GRID2IP: variants seen among roughly 807,000 people sequenced by gnomAD.
GRID2IP encodes delphilin.
In GRID2IP, 78 loss-of-function variants were observed where a neutral mutation model predicts 114.3. The ratio of observed to expected loss-of-function variants is 0.68; its 90% confidence interval spans 0.57 to 0.82. The LOEUF (loss-of-function observed/expected upper bound fraction) is 0.82. GRID2IP is among the 40% of genes least tolerant of loss of function. The pLI, the probability that GRID2IP is intolerant of heterozygous loss-of-function variation, is 0.00. For synonymous variants in GRID2IP, 809 were observed against 724.0 expected (o/e 1.12, Z -1.89); for missense variants, 1,727 against 1,678.5 (o/e 1.03, Z -0.51).
At chr7:6,498,572 CTTTTTTTTTTTTTTT>C (rs34146767) in intron 20 of GRID2IP, among the ~76,000 whole-genome samples, 2 of 68,128 alleles carry the variant, frequency 2.9e-5, no homozygotes, top group African/African-American at 1.5e-4. Flanking sequence ...CTAGGCCTTA[CTTTTTTTTTTTTTTT>C]TTTTTTTTTT....
chr7:6,503,648 A>G lies in GRID2IP; in HGVS notation c.2750T>C (p.Leu917Pro). 6.6e-7 allele frequency: 1 copy of G among 1,518,338 alleles called. No individual in the cohort carries two copies. The highest frequency in any genetic ancestry group is 8.8e-7 in the Non-Finnish European group (1 of 1,139,770). 94.1% of individuals were successfully genotyped at this position (1,518,338 alleles called of 1,614,324 possible). A position where few individuals can be genotyped will look rare whatever the true frequency, so the allele number is the denominator to read the frequency against. Residue 917 changes from leucine to proline, a missense_variant, in exon 16 of 22, where the codon CTG (leucine) becomes CCG (proline). Physicochemically the swap from Leu to Pro is moderately conservative, Grantham distance 98. Coordinates refer to ENST00000457091, the MANE Select transcript of GRID2IP (RefSeq NM_001145118.2). ...CTCCATGCTCATCAGCACCTGGCGC[A>G]GCTCCGCGGGGCTCAGCTTCAGGTG... ...LAHLKLSPAE[L>P]RQVLMSMEPR... is the part of the protein sequence containing the mutation.
chr7:6,503,923 A>C (rs543700203), intron 15 of GRID2IP, among the ~76,000 whole-genome samples: 45 of 149,854 alleles, frequency 3.0e-4, no homozygotes, highest in African/African-American at 1.0e-3. Context: ...GGCTAAGGGG[A>C]AGAAAAAAGG....
rs11975814 is a variant in GRID2IP at position 6,500,593 on chromosome 7, C to G, written c.3399+1188G>C. 6.7e-3 allele frequency among the ~76,000 whole-genome samples: 1,028 copies of G among 152,336 alleles called. 9 individuals carry two copies. Among genetic ancestry groups the G allele is most frequent in the African/African-American group, 0.024 (980 of 41,572 alleles). On this transcript the variant is annotated intron_variant, in intron 20 of 21. Transcript: ENST00000457091. ...CTGAGAGGAAAGGGCAGGGGTAGATCTGACATCAAATTCCTACTCAGACAC... is the reference window on the plus strand; with the variant it reads ...CTGAGAGGAAAGGGCAGGGGTAGATGTGACATCAAATTCCTACTCAGACAC...
rs1382501180 is a variant in GRID2IP, at chr7:6,516,282, G to A, written c.1269-1753C>T. Among the ~76,000 whole-genome samples, 1 of 151,634 alleles carries A rather than the reference G, an allele frequency of 6.6e-6. No homozygotes were observed. Among genetic ancestry groups the A allele is most frequent in the African/African-American group, 2.4e-5 (1 of 41,282 alleles). On this transcript the variant is annotated intron_variant, in intron 7 of 21. Coordinates refer to ENST00000457091, the MANE Select transcript of GRID2IP (RefSeq NM_001145118.2). The surrounding 1 kb of genome is among the most constrained non-coding windows in gnomAD (Gnocchi z 4.3). ...TCCAATATAATAAAGAAAATACATAGAATAAGAATAGTTATACTAGAAATA... is the reference window on the plus strand; with the variant it reads ...TCCAATATAATAAAGAAAATACATAAAATAAGAATAGTTATACTAGAAATA...
intron 1 of GRID2IP, among the ~76,000 whole-genome samples, chr7:6,543,566 C>T (rs1008802814): frequency 4.6e-5 from 7 of 151,964 alleles, no homozygotes; most frequent in Non-Finnish European, 8.8e-5. Flanking sequence ...AAGTGGGTTG[C>T]GTCACTCTCA....
At chr7:6,501,266 G>T (rs1786406680) in intron 20 of GRID2IP, among the ~76,000 whole-genome samples, 1 of 152,144 alleles carries the variant, frequency 6.6e-6, no homozygotes, top group South Asian at 2.1e-4. Flanking sequence ...CAGGAGAATA[G>T]CTTGAACCTG....
intron 1 of GRID2IP, among the ~76,000 whole-genome samples, chr7:6,548,109 T>C (rs1779914198): frequency 6.6e-6 from 1 of 152,164 alleles, no homozygotes; most frequent in Admixed American, 6.5e-5. Context: ...TCCAGCACTT[T>C]TGGAAGGCCG....
At chr7:6,545,392 C>G (rs1324844363) in intron 1 of GRID2IP, among the ~76,000 whole-genome samples, 1 of 152,214 alleles carries the variant, frequency 6.6e-6, no homozygotes, top group Non-Finnish European at 1.5e-5. Flanking sequence ...CTGCCCTTTG[C>G]CACTGCAGTT....
chr7:6,508,650 A>T lies in GRID2IP; in HGVS notation c.2128-249T>A, dbSNP rs1786667341. Among the ~76,000 whole-genome samples the T allele has an allele frequency of 6.6e-6, 1 of 152,090 alleles. No homozygotes were observed. The highest frequency in any genetic ancestry group is 1.5e-5 in the Non-Finnish European group (1 of 67,994). On this transcript the variant is annotated intron_variant, in intron 12 of 21. Transcript: ENST00000457091. The surrounding 1 kb of genome is among the most constrained non-coding windows in gnomAD (Gnocchi z 5.6). ...GTAAGCCTCAGGCTGTGAGGGGGAT[A>T]GCCTGGAATAAGGACAGGACCCTGT...
At chr7:6,538,403 A>T (rs868294180) in intron 2 of GRID2IP, among the ~76,000 whole-genome samples, 1 of 102,696 alleles carries the variant, frequency 9.7e-6, no homozygotes, top group African/African-American at 3.3e-5. Flanking sequence ...AACAAAACAA[A>T]ACAAGAAAAG....
At chr7:6,549,441 G>A (rs1181113058) in intron 1 of GRID2IP, among the ~76,000 whole-genome samples, 3 of 152,258 alleles carry the variant, frequency 2.0e-5, no homozygotes, top group African/African-American at 7.2e-5. Context: ...TATTCCACCT[G>A]CAGTCTATCA....
chr7:6,530,554 G>C (rs1253405251), intron 2 of GRID2IP, among the ~76,000 whole-genome samples: 1 of 148,620 alleles, frequency 6.7e-6, no homozygotes, highest in Non-Finnish European at 1.5e-5. Flanking sequence ...GATTACAGGC[G>C]TGAGCCACCG....
At chr7:6,539,533 C>T (rs1779780466) in intron 2 of GRID2IP, among the ~76,000 whole-genome samples, 185 bp downstream of exon 2, 1 of 152,152 alleles carries the variant, frequency 6.6e-6, no homozygotes, top group South Asian at 2.1e-4. Context: ...CAACAGCTGC[C>T]TTCTCAGGGT....
rs148216071 is a variant in GRID2IP at position 6,516,925 on chromosome 7, C to A, written c.1269-2396G>T. Among the ~76,000 whole-genome samples the A allele has an allele frequency of 4.7e-3, 717 of 152,238 alleles. 4 individuals carry two copies. The highest frequency in any genetic ancestry group is 0.015 in the African/African-American group (619 of 41,554). Reference sequence around the variant, plus strand: ...GAGATGACTCTCACTCCATACCCTGCCCCTTTGCCTTGTACACAATAAATA... The same window carrying A: ...GAGATGACTCTCACTCCATACCCTGACCCTTTGCCTTGTACACAATAAATA... On this transcript the variant is annotated intron_variant, in intron 7 of 21. Coordinates refer to ENST00000457091, the MANE Select transcript of GRID2IP (RefSeq NM_001145118.2). The surrounding 1 kb of genome is among the most constrained non-coding windows in gnomAD (Gnocchi z 4.3).
intron 1 of GRID2IP, among the ~76,000 whole-genome samples, chr7:6,540,884 T>C (rs1354366384): frequency 2.0e-5 from 3 of 151,852 alleles, no homozygotes; most frequent in Non-Finnish European, 4.4e-5. Flanking sequence ...TTGTCTAGGC[T>C]GGAGTGCAGT....
chr7:6,533,143 C>T (rs898750334), intron 2 of GRID2IP, among the ~76,000 whole-genome samples: 6 of 152,146 alleles, frequency 3.9e-5, no homozygotes, highest in Admixed American at 2.0e-4. Flanking sequence ...CTACTGGCAT[C>T]TAGGGGGTAG....
Position 6,519,373 on chromosome 7 carries a change from A to T in GRID2IP, c.1268+1205T>A, listed in dbSNP as rs993385543. Among the ~76,000 whole-genome samples, 1 of 152,180 alleles carries T rather than the reference A, an allele frequency of 6.6e-6. No homozygotes were observed. Among genetic ancestry groups the T allele is most frequent in the Non-Finnish European group, 1.5e-5 (1 of 68,034 alleles). On this transcript the variant is annotated intron_variant, in intron 7 of 21. Coordinates refer to ENST00000457091, the MANE Select transcript of GRID2IP (RefSeq NM_001145118.2). The surrounding 1 kb of genome is among the most constrained non-coding windows in gnomAD (Gnocchi z 4.1). ...GCCAAGTACAGTGGCTCATGCCTGT[A>T]ACCGCAGCACTTTGGGACGATCACT... is the stretch of plus-strand genomic sequence containing the variant.
rs181580376 is a variant in GRID2IP at position 6,497,056 on chromosome 7, C to T, written c.*718G>A. Among the ~76,000 whole-genome samples, 28 of 152,322 alleles carry T rather than the reference C, an allele frequency of 1.8e-4. 1 individual carries two copies. Among genetic ancestry groups the T allele is most frequent in the Admixed American group, 1.7e-3 (26 of 15,304 alleles). ...GCAGTTGGCCACCAGATCCTGCTCA[C>T]CTCCTGCCTCAACACCTCCCCATTC... On this transcript the variant is annotated 3_prime_UTR_variant, in exon 22 of 22. Transcript: ENST00000457091.
In GRID2IP at chr7:6,508,488, C is replaced by G; in HGVS notation, c.2128-87G>C. 6.5e-7 allele frequency: 1 copy of G among 1,533,556 alleles called. No homozygotes were observed. The highest frequency in any genetic ancestry group is 8.8e-7 in the Non-Finnish European group (1 of 1,139,716). The allele number at this position is 1,533,556 out of a possible 1,614,324, so 95.0% of individuals were successfully genotyped here. ...GCAAAGTGAAGGATCATGGGATAGC[C>G]TGGGACAAGGACAGGGCCATCTCAC... On this transcript the variant is annotated intron_variant, in intron 12 of 21. Coordinates refer to ENST00000457091, the MANE Select transcript of GRID2IP (RefSeq NM_001145118.2). This position sits in a 1 kb window ranked among gnomAD's most constrained non-coding sequence, Gnocchi z 5.6.
Sources: allele counts gnomAD v4.1 joint callset (sites outside exome capture counted in the v4.1 genomes callset), GRCh38; gene constraint gnomAD v4.1.1; non-coding constraint Gnocchi (gnomAD v3.1); transcripts MANE v1.5; gene names NCBI Gene and HGNC (gene_info 2026-07-23, HGNC 2026-07-21).